The following CDHR3 variants were observed in gnomAD, a reference collection of about 807,000 sequenced individuals.
The protein encoded by CDHR3 is cadherin related family member 3, also known as cadherin-related family member 3.
In CDHR3, 79 loss-of-function variants were observed where a neutral mutation model predicts 86.6. That is an observed-to-expected ratio of 0.91 (90% CI 0.76 to 1.10). The LOEUF is 1.10. Among genes scored for constraint, CDHR3 ranks in the 50% least tolerant of loss-of-function variants. CDHR3 has a pLI of 0.00. For missense variants in CDHR3, 1,081 were observed against 1,077.6 expected (o/e 1.00, Z -0.04); for synonymous variants, 421 against 402.4 (o/e 1.05, Z -0.55).
At chr7:106,016,981 G>A (rs955016617) in intron 11 of CDHR3, among the ~76,000 whole-genome samples, 7 of 151,988 alleles carry the variant, frequency 4.6e-5, no homozygotes, top group Non-Finnish European at 7.4e-5. Flanking sequence ...TTATGAGAAG[G>A]AACTCCTACA....
chr7:105,984,918 G>T (rs908384204), intron 4 of CDHR3, among the ~76,000 whole-genome samples: 1 of 152,086 alleles, frequency 6.6e-6, no homozygotes, highest in African/African-American at 2.4e-5. Context: ...AATTAGCTGG[G>T]CATGATGGTG....
intron 16 of CDHR3, 24 bp from the exon 17 acceptor site, chr7:106,028,527 T>A: frequency 6.2e-7 from 1 of 1,613,812 alleles, no homozygotes; most frequent in Non-Finnish European, 8.5e-7. Context: ...GAAGCTTAAC[T>A]TCTGCCTGTT....
intron 12 of CDHR3, among the ~76,000 whole-genome samples, chr7:106,019,524 C>T (rs988041625): frequency 1.3e-5 from 2 of 151,972 alleles, no homozygotes; most frequent in Non-Finnish European, 2.9e-5. Flanking sequence ...ACTCAAAATT[C>T]ATAAGCTTTT....
At chr7:105,999,571 G>A (rs940302690) in intron 6 of CDHR3, among the ~76,000 whole-genome samples, 6 of 152,166 alleles carry the variant, frequency 3.9e-5, no homozygotes, top group African/African-American at 1.4e-4. Context: ...AACATGTTCA[G>A]ACACCACCCC....
At chr7:106,014,882 A>G (rs571808124) in intron 9 of CDHR3, among the ~76,000 whole-genome samples, 1 of 152,384 alleles carries the variant, frequency 6.6e-6, no homozygotes, top group Admixed American at 6.5e-5. Flanking sequence ...CTTAATGAAC[A>G]TCTTTGTACA....
chr7:105,969,355 G>C (rs1161921268), intron 1 of CDHR3, among the ~76,000 whole-genome samples: 1 of 138,678 alleles, frequency 7.2e-6, no homozygotes, highest in African/African-American at 2.7e-5. Flanking sequence ...AGCCGAGATT[G>C]CGCCACTGCA....
intron 13 of CDHR3, among the ~76,000 whole-genome samples, chr7:106,020,784 A>C (rs1836448122): frequency 6.6e-6 from 1 of 152,122 alleles, no homozygotes; most frequent in Admixed American, 6.5e-5. Flanking sequence ...CATTGCACCC[A>C]GCTTGCTGGG....
At chr7:106,001,930 A>G (rs989776978) in intron 7 of CDHR3, among the ~76,000 whole-genome samples, 1 of 152,204 alleles carries the variant, frequency 6.6e-6, no homozygotes. Context: ...CCAGCCATTT[A>G]TTTTTCCTGA....
At chr7:106,013,957 T>C (rs1320629698) in intron 9 of CDHR3, among the ~76,000 whole-genome samples, 1 of 152,132 alleles carries the variant, frequency 6.6e-6, no homozygotes, top group Non-Finnish European at 1.5e-5. Flanking sequence ...ATAGGTATTT[T>C]TTATTTTTAT....
At chr7:105,982,196 C>T (rs569795611) in intron 3 of CDHR3, among the ~76,000 whole-genome samples, 33 of 152,242 alleles carry the variant, frequency 2.2e-4, no homozygotes, top group Middle Eastern at 3.4e-3. Context: ...AGGCCGGGCG[C>T]GGTGGCTCAC....
rs962865757 is a variant in CDHR3 at position 106,030,649 on chromosome 7, C to G, written c.2305-143C>G. 3 of 706,028 alleles carry G rather than the reference C, an allele frequency of 4.2e-6. No individual in the cohort carries two copies. In the African/African-American group the frequency reaches 5.4e-5, roughly 13 times the overall value. The allele number at this position is 706,028 out of a possible 1,614,324, so 43.7% of individuals were successfully genotyped here. On this transcript the variant is annotated intron_variant, in intron 17 of 18. Coordinates refer to ENST00000317716, the MANE Select transcript of CDHR3 (RefSeq NM_152750.5). The surrounding 1 kb of genome is among the most constrained non-coding windows in gnomAD (Gnocchi z 4.8). ...TGCCTGCCTTGTTCATCACTGTGTCCCCTGCATCTATCACAGTGCCTAATT... is the reference window on the plus strand; with the variant it reads ...TGCCTGCCTTGTTCATCACTGTGTCGCCTGCATCTATCACAGTGCCTAATT...
chr7:106,002,804 G>A (rs1286606937), intron 7 of CDHR3, among the ~76,000 whole-genome samples: 1 of 152,152 alleles, frequency 6.6e-6, no homozygotes, highest in East Asian at 1.9e-4. Context: ...TTTTTAACAT[G>A]TATAAAATAT....
At position 106,015,746 on chromosome 7, in the gene CDHR3, G is replaced by A. The variant is rs991888905; in HGVS notation, c.1328-181G>A. 7.7e-6 allele frequency: 5 copies of A among 651,528 alleles called. No individual in the cohort carries two copies. The African/African-American group carries it at 9.0e-5, about 12-fold the overall frequency. The allele number at this position is 651,528 out of a possible 1,614,324, so 40.4% of individuals were successfully genotyped here. On this transcript the variant is annotated intron_variant, in intron 10 of 18. Transcript: ENST00000317716. ...CTCTGGGTTCTGTAGTGCTCTGTGT[G>A]CTCATGCGCTTATCAAAGGGTGAAC...
intron 8 of CDHR3, among the ~76,000 whole-genome samples, chr7:106,007,140 G>C (rs898934404): frequency 6.6e-6 from 1 of 152,232 alleles, no homozygotes; most frequent in African/African-American, 2.4e-5. Flanking sequence ...CGGCTGGGAT[G>C]CAGGGCACCA....
chr7:105,974,721 G>A (rs1163649135), intron 1 of CDHR3, 123 bp from the exon 2 acceptor site: 3 of 707,810 alleles, frequency 4.2e-6, no homozygotes, highest in Admixed American at 4.9e-5. Context: ...TTGTTCTCGG[G>A]GAGTGACCAG....
At position 106,016,002 on chromosome 7, in the gene CDHR3, T is replaced by C. The variant is rs202044314; in HGVS notation, c.1403T>C (p.Phe468Ser). Residue 468 changes from phenylalanine to serine, a missense_variant, in exon 11 of 19, where the codon TTT (phenylalanine) becomes TCT (serine). Transcript: ENST00000317716. Reference sequence around the variant, plus strand: ...ATTTTTGATAGGCCATCCTATGTATTTGATGTGTCAGAAAGAAGGCCCGGT... The same window carrying C: ...ATTTTTGATAGGCCATCCTATGTATCTGATGTGTCAGAAAGAAGGCCCGGT... ...PLIFDRPSYV[F>S]DVSERRPART... is the part of the protein sequence containing the mutation. The C allele has an allele frequency of 2.5e-6, 4 of 1,611,914 alleles. No individual in the cohort carries two copies. The South Asian group carries it at 3.3e-5, about 13-fold the overall frequency.
chr7:105,969,291 C>G (rs1354304084), intron 1 of CDHR3, among the ~76,000 whole-genome samples: 2 of 130,140 alleles, frequency 1.5e-5, no homozygotes, highest in African/African-American at 5.8e-5. Context: ...CCCAGCTACT[C>G]GGGAGGCTGA....
At chr7:105,998,084 T>C (rs565401481) in intron 6 of CDHR3, among the ~76,000 whole-genome samples, 2 of 152,162 alleles carry the variant, frequency 1.3e-5, no homozygotes, top group South Asian at 4.1e-4. Flanking sequence ...TCAATGAGGG[T>C]CAACCTCATC....
intron 1 of CDHR3, among the ~76,000 whole-genome samples, chr7:105,974,371 G>C (rs1475680267): frequency 1.3e-5 from 2 of 152,156 alleles, no homozygotes; most frequent in Admixed American, 1.3e-4. Flanking sequence ...TGATTTTGGT[G>C]TTCTCCAGTC....
Sources: allele counts gnomAD v4.1 joint callset (sites outside exome capture counted in the v4.1 genomes callset), GRCh38; gene constraint gnomAD v4.1.1; non-coding constraint Gnocchi (gnomAD v3.1); transcripts MANE v1.5; gene names NCBI Gene and HGNC (gene_info 2026-07-23, HGNC 2026-07-21).